Variants in ARHGEF10L observed in about 807,000 individuals in gnomAD.
ARHGEF10L encodes Rho guanine nucleotide exchange factor 10 like.
A neutral mutation model predicts 141.2 loss-of-function variants in ARHGEF10L; 69 were observed. The ratio of observed to expected loss-of-function variants is 0.49; its 90% CI spans 0.40 to 0.60. ARHGEF10L has a LOEUF of 0.60. Among genes scored for constraint, ARHGEF10L ranks in the 20% least tolerant of loss-of-function variants. The pLI, the probability that ARHGEF10L is intolerant of heterozygous loss-of-function variation, is 0.00. For synonymous variants in ARHGEF10L, 711 were observed against 718.5 expected (o/e 0.99, Z 0.17); for missense variants, 1,482 against 1,734.3 (o/e 0.85, Z 2.58).
the ARHGEF10L span, among the ~76,000 whole-genome samples, chr1:17,513,800 T>A: frequency 6.6e-6 from 1 of 152,148 alleles, no homozygotes; most frequent in Non-Finnish European, 1.5e-5. Context: ...TCTTTCTTTT[T>A]TTCTCTTTCT....
intron 1 of ARHGEF10L, among the ~76,000 whole-genome samples, chr1:17,579,321 G>A (rs1013130480): frequency 4.6e-5 from 7 of 152,130 alleles, no homozygotes; most frequent in South Asian, 2.1e-4. Flanking sequence ...TGCCCGGCTC[G>A]GAGACTAACT....
At chr1:17,608,006 C>T in intron 7 of ARHGEF10L, 29 bp downstream of exon 7, 1 of 1,322,126 alleles carries the variant, frequency 7.6e-7, no homozygotes, top group Non-Finnish European at 9.8e-7. Context: ...TCGCTCACCT[C>T]AGTCAGGGCA....
At chr1:17,519,764 G>A in the ARHGEF10L span, among the ~76,000 whole-genome samples, 2 of 152,228 alleles carry the variant, frequency 1.3e-5, no homozygotes, top group South Asian at 4.1e-4. Context: ...GAACCTGGGA[G>A]GTGGAGGTTG....
At chr1:17,609,933 G>A (rs533287592) in intron 7 of ARHGEF10L, among the ~76,000 whole-genome samples, 4 of 152,250 alleles carry the variant, frequency 2.6e-5, no homozygotes, top group East Asian at 1.9e-4. Flanking sequence ...GGCAGGACCC[G>A]TGCGTCCCAG....
intron 26 of ARHGEF10L, among the ~76,000 whole-genome samples, chr1:17,668,212 C>A (rs1019827520): frequency 6.6e-6 from 1 of 152,224 alleles, no homozygotes; most frequent in Non-Finnish European, 1.5e-5. Flanking sequence ...CTGTATATGT[C>A]GTTTATTTGG....
intron 25 of ARHGEF10L, 89 bp from the exon 26 acceptor site, chr1:17,664,358 C>T (rs866969623): frequency 2.5e-5 from 36 of 1,413,100 alleles, no homozygotes; most frequent in Middle Eastern, 4.5e-4. Flanking sequence ...TGTGGGGGGC[C>T]CTGCTGAGCC....
chr1:17,588,576 C>A, intron 4 of ARHGEF10L, 97 bp downstream of exon 4: 1 of 1,489,738 alleles, frequency 6.7e-7, no homozygotes, highest in South Asian at 1.1e-5. Context: ...GAGGACCCGA[C>A]TGGTCTTTGG....
chr1:17,525,660 A>C, the ARHGEF10L span, among the ~76,000 whole-genome samples: 1 of 152,162 alleles, frequency 6.6e-6, no homozygotes, highest in Non-Finnish European at 1.5e-5. Flanking sequence ...CTCCTTTCCA[A>C]ATAAATAAAT....
At chr1:17,526,520 A>G in the ARHGEF10L span, among the ~76,000 whole-genome samples, 2 of 152,210 alleles carry the variant, frequency 1.3e-5, no homozygotes, top group Non-Finnish European at 2.9e-5. Flanking sequence ...TATCCCAGGC[A>G]GATCACTAAA....
intron 16 of ARHGEF10L, 195 bp from the exon 17 acceptor site, chr1:17,634,353 G>A: frequency 2.5e-6 from 2 of 815,850 alleles, no homozygotes; most frequent in Non-Finnish European, 4.1e-6. Flanking sequence ...CGGGGCTGTT[G>A]TGAGACCCAG....
intron 26 of ARHGEF10L, among the ~76,000 whole-genome samples, chr1:17,686,853 GA>G (rs201174836): frequency 0.015 from 2,069 of 137,650 alleles, 17 homozygotes; most frequent in Non-Finnish European, 0.018. Context: ...ATACTTGCAA[GA>G]AAAAAAAAAA....
chr1:17,634,874 C>G lies in ARHGEF10L; in HGVS notation c.1785C>G (p.Pro595=). Reference sequence around the variant, plus strand: ...TCAGCAGCCTGGTGCCCCTGGGGCCCAAGTATGTGGTGAAGTGGAACACGG... The same window carrying G: ...TCAGCAGCCTGGTGCCCCTGGGGCCGAAGTATGTGGTGAAGTGGAACACGG... ...LEISSLVPLG[P]KYVVKWNTAL... Residue 595 remains proline (P), a synonymous_variant, in exon 18 of 29, where the codon CCC becomes CCG. Transcript: ENST00000361221. 1.2e-6 allele frequency: 2 copies of G among 1,613,998 alleles called. No homozygotes were observed. Among genetic ancestry groups the G allele is most frequent in the Non-Finnish European group, 1.7e-6 (2 of 1,179,942 alleles).
At chr1:17,634,610 G>T (rs779092294) in intron 17 of ARHGEF10L, 48 bp downstream of exon 17, 1 of 1,606,418 alleles carries the variant, frequency 6.2e-7, no homozygotes, top group Non-Finnish European at 8.5e-7. Context: ...GGGGCTCTGG[G>T]GCTCTGGTGC....
intron 2 of ARHGEF10L, among the ~76,000 whole-genome samples, chr1:17,583,860 A>T (rs1557743764): frequency 6.6e-6 from 1 of 151,370 alleles, no homozygotes; most frequent in Admixed American, 6.6e-5. Context: ...ATTTAAACAA[A>T]TTTTTTTTTG....
intron 25 of ARHGEF10L, among the ~76,000 whole-genome samples, chr1:17,658,570 G>A (rs967796082): frequency 6.6e-6 from 1 of 152,150 alleles, no homozygotes; most frequent in African/African-American, 2.4e-5. Context: ...GGGGTCTGAA[G>A]GCTGAGATGT....
Position 17,625,861 on chromosome 1 carries a change from G to C in ARHGEF10L, c.1318-95G>C, listed in dbSNP as rs1427830543. The C allele has an allele frequency of 4.2e-5, 46 of 1,087,536 alleles. No homozygotes were observed. The highest frequency in any genetic ancestry group is 5.1e-5 in the Non-Finnish European group (37 of 722,970). The allele number at this position is 1,087,536 out of a possible 1,614,324, so 67.4% of individuals were successfully genotyped here. ...GGATAGGCAGGGTCTTAGGGCCTGGGGAGAGGAGCCCAGAATGGGGACAGT... is the reference window on the plus strand; with the variant it reads ...GGATAGGCAGGGTCTTAGGGCCTGGCGAGAGGAGCCCAGAATGGGGACAGT... On this transcript the variant is annotated intron_variant, in intron 13 of 28. Transcript: ENST00000361221. The surrounding 1 kb of genome is among the most constrained non-coding windows in gnomAD (Gnocchi z 4.5).
At chr1:17,571,306 C>T (rs2077989043) in intron 1 of ARHGEF10L, among the ~76,000 whole-genome samples, 2 of 152,096 alleles carry the variant, frequency 1.3e-5, no homozygotes, top group Non-Finnish European at 2.9e-5. Context: ...CCTGGTCCAT[C>T]AGAACCGGTG....
intron 4 of ARHGEF10L, among the ~76,000 whole-genome samples, chr1:17,595,846 G>C (rs2080044287): frequency 6.6e-6 from 1 of 152,154 alleles, no homozygotes; most frequent in Admixed American, 6.5e-5. Flanking sequence ...GGGAGGTAGT[G>C]TTGCCTCATT....
intron 22 of ARHGEF10L, among the ~76,000 whole-genome samples, chr1:17,651,730 C>T (rs1384304610): frequency 6.6e-6 from 1 of 152,176 alleles, no homozygotes; most frequent in Admixed American, 6.5e-5. Context: ...CCTGCTGGCC[C>T]CGGCTCACTG....
Sources: allele counts gnomAD v4.1 joint callset (sites outside exome capture counted in the v4.1 genomes callset), GRCh38; gene constraint gnomAD v4.1.1; non-coding constraint Gnocchi (gnomAD v3.1); transcripts MANE v1.5; gene names NCBI Gene and HGNC (gene_info 2026-07-23, HGNC 2026-07-21).